Variants in SHANK2 observed in about 807,000 individuals in gnomAD.
SHANK2 encodes SH3 and multiple ankyrin repeat domains 2, also known as SH3 and multiple ankyrin repeat domains protein 2.
In SHANK2, 43 loss-of-function variants were observed where a neutral mutation model predicts 133.7. The observed-to-expected ratio is 0.32, with a 90% confidence interval of 0.25 to 0.41. The LOEUF is 0.41. SHANK2 is among the 10% of genes least tolerant of loss of function. SHANK2 has a pLI of 1.00. For synonymous variants in SHANK2, 1,017 were observed against 952.8 expected (o/e 1.07, Z -1.24); for missense variants, 1,994 against 2,235.8 (o/e 0.89, Z 2.18).
intron 17 of SHANK2, among the ~76,000 whole-genome samples, chr11:70,507,828 G>A (rs966743235): frequency 3.9e-5 from 6 of 152,220 alleles, no homozygotes; most frequent in Non-Finnish European, 2.9e-5. Context: ...CCAGTGACGC[G>A]CGTTTGTAAT....
intron 11 of SHANK2, among the ~76,000 whole-genome samples, chr11:70,887,173 G>A (rs1417532477): frequency 2.0e-5 from 3 of 152,188 alleles, no homozygotes; most frequent in African/African-American, 7.2e-5. Context: ...TGCTATTTGG[G>A]ATCTCCATCC....
rs1334201523 is a variant in SHANK2 at position 70,469,864 on chromosome 11, G to A, written c.*3005C>T. On this transcript the variant is annotated 3_prime_UTR_variant, in exon 26 of 26. Transcript: ENST00000601538. ...TTATGTGAATTAACTTAAAATGTGC[G>A]CAGACACCCTGGAAAAGGTATCTTG... 3.9e-5 allele frequency: 6 copies of A among 152,594 alleles called. No individual in the cohort carries two copies. Among genetic ancestry groups the A allele is most frequent in the Non-Finnish European group, 7.3e-5 (5 of 68,042 alleles). 9.5% of individuals were successfully genotyped at this position (152,594 alleles called of 1,614,324 possible).
intron 14 of SHANK2, among the ~76,000 whole-genome samples, chr11:70,709,755 T>C (rs1488843237): frequency 2.0e-5 from 3 of 151,632 alleles, no homozygotes; most frequent in African/African-American, 7.3e-5. Context: ...ATCATGAGAT[T>C]TGGGGTTGGG....
intron 17 of SHANK2, among the ~76,000 whole-genome samples, chr11:70,611,727 C>T (rs377021437): frequency 1.8e-4 from 27 of 152,184 alleles, no homozygotes; most frequent in Non-Finnish European, 3.2e-4. Flanking sequence ...GTGGAGGTGT[C>T]GTCTGAGACT....
intron 11 of SHANK2, among the ~76,000 whole-genome samples, chr11:70,879,506 G>C (rs1229248227): frequency 6.6e-6 from 1 of 152,224 alleles, no homozygotes; most frequent in Non-Finnish European, 1.5e-5. Context: ...TCAGAGAGGT[G>C]CCGTGGCTGG....
intron 2 of SHANK2, among the ~76,000 whole-genome samples, chr11:71,192,212 A>G (rs1337482331): frequency 1.3e-5 from 2 of 152,152 alleles, no homozygotes; most frequent in East Asian, 1.9e-4. Flanking sequence ...GGGTCCATCC[A>G]TATGACCCCA....
chr11:70,526,040 TCA>T (rs2059392132), intron 17 of SHANK2, among the ~76,000 whole-genome samples: 1 of 121,970 alleles, frequency 8.2e-6, no homozygotes, highest in Non-Finnish European at 1.6e-5. Flanking sequence ...TGGCCAGCAC[TCA>T]CATTAAAACA....
intron 14 of SHANK2, among the ~76,000 whole-genome samples, chr11:70,791,555 C>T (rs1947786363): frequency 1.3e-5 from 2 of 152,244 alleles, no homozygotes; most frequent in African/African-American, 4.8e-5. Context: ...TCTTCATACG[C>T]ATCATCTCCA....
chr11:70,835,487 C>T (rs930743294), intron 11 of SHANK2, among the ~76,000 whole-genome samples: 28 of 152,146 alleles, frequency 1.8e-4, no homozygotes, highest in Non-Finnish European at 2.8e-4. Context: ...GGACATGGTC[C>T]GCTCAGTCAG....
At chr11:71,180,573 A>G (rs782578006) in intron 2 of SHANK2, among the ~76,000 whole-genome samples, 1 of 152,190 alleles carries the variant, frequency 6.6e-6, no homozygotes, top group Non-Finnish European at 1.5e-5. Flanking sequence ...CCCCACACAC[A>G]AAGTTCAGTT....
At chr11:70,702,244 T>C (rs528044918) in intron 14 of SHANK2, among the ~76,000 whole-genome samples, 1 of 148,128 alleles carries the variant, frequency 6.8e-6, no homozygotes, top group East Asian at 2.1e-4. Flanking sequence ...AGCGCATTCT[T>C]CACTATCATC....
intron 17 of SHANK2, among the ~76,000 whole-genome samples, chr11:70,602,956 G>A (rs1323516250): frequency 1.3e-5 from 2 of 152,236 alleles, no homozygotes; most frequent in Non-Finnish European, 2.9e-5. Flanking sequence ...ACACCGGGGA[G>A]GCAGAACCCC....
At chr11:70,884,846 G>A (rs753989111) in intron 11 of SHANK2, among the ~76,000 whole-genome samples, 20 of 152,166 alleles carry the variant, frequency 1.3e-4, no homozygotes, top group East Asian at 7.7e-4. Flanking sequence ...TCACCCTCCC[G>A]AGTAGCTGGG....
chr11:70,718,912 T>A (rs184875366), intron 14 of SHANK2, among the ~76,000 whole-genome samples: 11 of 152,302 alleles, frequency 7.2e-5, no homozygotes, highest in Admixed American at 6.5e-4. Context: ...ACTGGCGCTA[T>A]GAGCTTGGGC....
At chr11:70,918,748 T>C (rs1051923447) in intron 10 of SHANK2, among the ~76,000 whole-genome samples, 7 of 152,136 alleles carry the variant, frequency 4.6e-5, no homozygotes, top group Non-Finnish European at 1.0e-4. Context: ...TCAAGTGATC[T>C]GCCTGCCTCA....
At chr11:70,703,631 A>G (rs1591765986) in intron 14 of SHANK2, among the ~76,000 whole-genome samples, 2 of 151,940 alleles carry the variant, frequency 1.3e-5, no homozygotes, top group Admixed American at 6.6e-5. Context: ...CAAATAAAAC[A>G]CCCTGAGGCA....
At chr11:70,859,784 G>A (rs1330905570) in intron 11 of SHANK2, among the ~76,000 whole-genome samples, 3 of 152,058 alleles carry the variant, frequency 2.0e-5, no homozygotes, top group East Asian at 1.9e-4. Context: ...TTCTACCCTC[G>A]AGGCTGGTGT....
At chr11:71,153,045 A>T (rs1555108394) in intron 2 of SHANK2, among the ~76,000 whole-genome samples, 1 of 152,208 alleles carries the variant, frequency 6.6e-6, no homozygotes, top group Non-Finnish European at 1.5e-5. Context: ...TCTGAAATTC[A>T]GGCAGAACTG....
intron 15 of SHANK2, among the ~76,000 whole-genome samples, chr11:70,697,264 G>A (rs1407960869): frequency 6.6e-6 from 1 of 152,192 alleles, no homozygotes; most frequent in African/African-American, 2.4e-5. Flanking sequence ...GTCGGAATAG[G>A]AAACTTCATA....
Sources: allele counts gnomAD v4.1 joint callset (sites outside exome capture counted in the v4.1 genomes callset), GRCh38; gene constraint gnomAD v4.1.1; transcripts MANE v1.5; gene names NCBI Gene and HGNC (gene_info 2026-07-23, HGNC 2026-07-21).